Variants in AGTPBP1 observed in about 807,000 individuals in gnomAD.
AGTPBP1 encodes cytosolic carboxypeptidase 1.
In AGTPBP1, 70 loss-of-function variants were observed where a neutral mutation model predicts 143.9. The ratio of observed to expected loss-of-function variants is 0.49; its 90% CI spans 0.40 to 0.59. The LOEUF (loss-of-function observed/expected upper bound fraction) is 0.59. AGTPBP1 is among the 20% of genes least tolerant of loss of function. The probability of loss-of-function intolerance (pLI) is 0.00; values close to 1 mark genes in which losing one functional copy is unlikely to be tolerated. For missense variants in AGTPBP1, 1,229 were observed against 1,464.5 expected, an observed-to-expected ratio of 0.84 and a Z score of 2.62; for synonymous variants, 463 against 500.2, an observed-to-expected ratio of 0.93 and a Z score of 0.99.
At chr9:85,728,443 T>C (rs556029816) in intron 1 of AGTPBP1, among the ~76,000 whole-genome samples, 1 of 152,258 alleles carries the variant, frequency 6.6e-6, no homozygotes. Flanking sequence ...AAAAAAGTTA[T>C]GGATTTCCCT....
chr9:85,672,731 AAT>A, intron 6 of AGTPBP1, 50 bp from the exon 7 acceptor site: 2 of 1,361,432 alleles, frequency 1.5e-6, no homozygotes, highest in East Asian at 2.5e-5. Context: ...TTTTCTTTTT[AAT>A]TTTTTTTTTT....
At position 85,741,758 on chromosome 9, in the gene AGTPBP1, T is replaced by C. The variant is rs554148612; in HGVS notation, c.-34+17A>G. 3 of 1,319,110 alleles carry C rather than the reference T, an allele frequency of 2.3e-6. No individual in the cohort carries two copies. The highest frequency in any genetic ancestry group is 2.0e-5 in the South Asian group (1 of 49,230). The allele number at this position is 1,319,110 out of a possible 1,614,324, so 81.7% of individuals were successfully genotyped here. A position where few individuals can be genotyped will look rare whatever the true frequency, so the allele number is the denominator to read the frequency against. On this transcript the variant is annotated intron_variant, in intron 1 of 25. Coordinates refer to ENST00000357081, the MANE Select transcript of AGTPBP1 (RefSeq NM_001330701.2). ...GGACGGCCGGCCGGGACATGAGGAC[T>C]GCAGCAGGGCGCTCACCGGCTCAGG...
At chr9:85,698,693 T>TTA (rs1836439871) in intron 2 of AGTPBP1, among the ~76,000 whole-genome samples, 1 of 124,058 alleles carries the variant, frequency 8.1e-6, no homozygotes, top group African/African-American at 3.5e-5. Flanking sequence ...TTTTTTTTTT[T>TTA]TTTTTTTTTT....
At chr9:85,742,089 C>G, upstream of AGTPBP1, 1 of 1,082,870 alleles carries the variant, frequency 9.2e-7, no homozygotes. Context: ...ACGCCCTCTT[C>G]CCGCCGCGTC....
intron 8 of AGTPBP1, among the ~76,000 whole-genome samples, chr9:85,662,027 T>C (rs1242745307): frequency 6.6e-6 from 1 of 152,086 alleles, no homozygotes; most frequent in Admixed American, 6.6e-5. Context: ...AGCACAGCTA[T>C]GAAAAAACTG....
intron 9 of AGTPBP1, among the ~76,000 whole-genome samples, chr9:85,659,569 G>T (rs1833730520): frequency 1.3e-5 from 2 of 151,936 alleles, no homozygotes; most frequent in South Asian, 2.1e-4. Context: ...AAAAAGAAGG[G>T]AGGGAGTAAA....
intron 1 of AGTPBP1, among the ~76,000 whole-genome samples, chr9:85,715,774 T>C (rs1194075792): frequency 6.6e-6 from 1 of 152,166 alleles, no homozygotes; most frequent in Non-Finnish European, 1.5e-5. Flanking sequence ...TAACAGAAAG[T>C]GCAGGCACCT....
intron 18 of AGTPBP1, among the ~76,000 whole-genome samples, chr9:85,593,141 T>G: frequency 6.6e-6 from 1 of 152,136 alleles, no homozygotes; most frequent in East Asian, 1.9e-4. Context: ...GATGATGTTG[T>G]TTCCTGATGT....
intron 3 of AGTPBP1, among the ~76,000 whole-genome samples, chr9:85,686,362 G>T (rs1835487572): frequency 6.6e-6 from 1 of 151,994 alleles, no homozygotes; most frequent in African/African-American, 2.4e-5. Flanking sequence ...CAGAGATAAA[G>T]AGAAACTTTC....
chr9:85,764,890 GA>G, the AGTPBP1 span: 1 of 1,222,724 alleles, frequency 8.2e-7, no homozygotes, highest in Non-Finnish European at 1.2e-6. Context: ...TTTTTAAGAT[GA>G]AAAACTTAAA....
chr9:85,742,089 C>A, upstream of AGTPBP1: 1 of 1,082,870 alleles, frequency 9.2e-7, no homozygotes, highest in Non-Finnish European at 1.1e-6. Flanking sequence ...ACGCCCTCTT[C>A]CCGCCGCGTC....
chr9:85,654,445 G>GTT (rs899263845), intron 11 of AGTPBP1, among the ~76,000 whole-genome samples: 1 of 149,754 alleles, frequency 6.7e-6, no homozygotes, highest in African/African-American at 2.4e-5. Context: ...TGATTAGGTT[G>GTT]TTTTTTTTTA....
At chr9:85,638,561 G>A (rs1832238409) in intron 13 of AGTPBP1, among the ~76,000 whole-genome samples, 1 of 151,878 alleles carries the variant, frequency 6.6e-6, no homozygotes, top group Non-Finnish European at 1.5e-5. Flanking sequence ...ACAAAACTCA[G>A]ATTTGGTATT....
chr9:85,741,684 A>AC, intron 1 of AGTPBP1, 91 bp downstream of exon 1: 2 of 1,256,382 alleles, frequency 1.6e-6, no homozygotes, highest in Non-Finnish European at 2.0e-6. Flanking sequence ...CGCCCCTCCT[A>AC]CCCCCGGGCG....
chr9:85,761,722 T>G, the AGTPBP1 span, among the ~76,000 whole-genome samples: 3 of 152,144 alleles, frequency 2.0e-5, no homozygotes, highest in Non-Finnish European at 2.9e-5. Context: ...GGGCAAGGAC[T>G]TCATGTCTAA....
chr9:85,706,935 A>C (rs919034650), intron 2 of AGTPBP1, among the ~76,000 whole-genome samples: 13 of 151,950 alleles, frequency 8.6e-5, no homozygotes, highest in African/African-American at 3.1e-4. Context: ...AGGGTAGACT[A>C]TATATTTTAA....
the AGTPBP1 span, among the ~76,000 whole-genome samples, chr9:85,748,776 T>C: frequency 1.3e-5 from 2 of 152,228 alleles, no homozygotes; most frequent in South Asian, 4.1e-4. Flanking sequence ...TGTTTTGTTT[T>C]AGCTCTTCTT....
At chr9:85,801,277 A>T in the AGTPBP1 span, among the ~76,000 whole-genome samples, 66 of 152,146 alleles carry the variant, frequency 4.3e-4, no homozygotes, top group Non-Finnish European at 6.6e-4. Context: ...GCACCACTGC[A>T]CTCTGGCCTG....
chr9:85,565,012 G>A (rs1006739017), intron 25 of AGTPBP1, among the ~76,000 whole-genome samples: 5 of 152,086 alleles, frequency 3.3e-5, no homozygotes, highest in African/African-American at 1.2e-4. Context: ...GAGGAAGCAG[G>A]CCCTCACCAA....
Sources: gnomAD v4.1 joint callset for allele counts (sites outside exome capture counted in the v4.1 genomes callset) on GRCh38, gnomAD v4.1.1 for gene constraint, MANE v1.5 for transcripts, NCBI Gene and HGNC (gene_info 2026-07-23, HGNC 2026-07-21) for gene names.